The following TRPM6 variants were observed in gnomAD, a reference collection of about 807,000 sequenced individuals.
The protein encoded by TRPM6 is channel kinase 2.
A neutral mutation model predicts 247.6 loss-of-function variants in TRPM6; 111 were observed. The ratio of observed to expected loss-of-function variants is 0.45; its 90% confidence interval spans 0.38 to 0.52. TRPM6 has a LOEUF of 0.52. TRPM6 is among the 20% of genes least tolerant of loss of function. TRPM6 has a pLI of 0.00. For synonymous variants in TRPM6, 892 were observed against 853.8 expected (o/e 1.04, Z -0.78); for missense variants, 2,126 against 2,421.5 (o/e 0.88, Z 2.56).
chr9:74,826,532 A>G (rs1306977665), intron 7 of TRPM6, among the ~76,000 whole-genome samples: 1 of 152,082 alleles, frequency 6.6e-6, no homozygotes, highest in Non-Finnish European at 1.5e-5. Context: ...CCAAAAGTCT[A>G]CAGTTTTCCA....
At chr9:74,839,833 A>T (rs1829856016) in intron 5 of TRPM6, among the ~76,000 whole-genome samples, 191 bp downstream of exon 5, 1 of 141,222 alleles carries the variant, frequency 7.1e-6, no homozygotes, top group Non-Finnish European at 1.5e-5. Context: ...GTTAGAAAGA[A>T]AAAAGAAAAA....
At position 74,848,300 on chromosome 9, in the gene TRPM6, C is replaced by T. The variant is rs538586446; in HGVS notation, c.153-5957G>A. The stretch of plus-strand genomic sequence containing the variant: ...ACTTTGGAGCCATTATGAAGGGTTA[C>T]TTGGATTCAAGTACTGCAATACCAA... On this transcript the variant is annotated intron_variant, in intron 3 of 38. Transcript: ENST00000360774. Among the ~76,000 whole-genome samples the T allele has an allele frequency of 3.0e-3, 452 of 152,272 alleles. 3 individuals are homozygous for T. Among genetic ancestry groups the T allele is most frequent in the Non-Finnish European group, 4.4e-3 (296 of 68,010 alleles).
At chr9:74,815,365 T>C (rs1233425084) in intron 11 of TRPM6, among the ~76,000 whole-genome samples, 1 of 152,176 alleles carries the variant, frequency 6.6e-6, no homozygotes, top group East Asian at 1.9e-4. Context: ...TTCAAATTTC[T>C]GTAGGAAAAA....
Position 74,782,693 on chromosome 9 carries a change from G to C in TRPM6, c.3080C>G (p.Ala1027Gly), listed in dbSNP as rs1420290535. The stretch of plus-strand genomic sequence containing the variant: ...CCCATACACACCATCTATTTCTCCA[G>C]CATAGACTTCTCCGTATATCATCCA... ...PYWMIYGEVY[A>G]GEIDVCSSQP... Residue 1027 changes from alanine to glycine, a missense_variant, in exon 22 of 39, where the codon GCT (alanine) becomes GGT (glycine). Physicochemically the swap from Ala to Gly is moderately conservative, Grantham distance 60. Coordinates refer to ENST00000360774, the MANE Select transcript of TRPM6 (RefSeq NM_017662.5). 6.2e-7 allele frequency: 1 copy of C among 1,613,998 alleles called. No homozygotes were observed. The highest frequency in any genetic ancestry group is 1.3e-5 in the African/African-American group (1 of 74,902).
chr9:74,825,028 G>A (rs1017687263), intron 7 of TRPM6, among the ~76,000 whole-genome samples: 4 of 152,324 alleles, frequency 2.6e-5, no homozygotes, highest in African/African-American at 9.6e-5. Flanking sequence ...GGGAGGCCAA[G>A]GCAGGTGGAT....
At chr9:74,862,671 A>G (rs1218460203) in intron 1 of TRPM6, among the ~76,000 whole-genome samples, 1 of 152,144 alleles carries the variant, frequency 6.6e-6, no homozygotes, top group Non-Finnish European at 1.5e-5. Flanking sequence ...ATTTTACACA[A>G]TATTTTTTAA....
chr9:74,785,162 C>T (rs576052998), intron 21 of TRPM6, among the ~76,000 whole-genome samples: 66 of 152,110 alleles, frequency 4.3e-4, no homozygotes, highest in Non-Finnish European at 7.9e-4. Flanking sequence ...CGGATATAAA[C>T]GATGAAGAAC....
chr9:74,856,419 G>C (rs1174863643), intron 2 of TRPM6, among the ~76,000 whole-genome samples: 2 of 151,446 alleles, frequency 1.3e-5, no homozygotes, highest in East Asian at 3.9e-4. Flanking sequence ...CAACGTGGGG[G>C]ACACAGCAAG....
intron 1 of TRPM6, among the ~76,000 whole-genome samples, chr9:74,883,929 C>T (rs573379864): frequency 6.2e-4 from 95 of 152,258 alleles, no homozygotes; most frequent in Non-Finnish European, 9.7e-4. Context: ...GTGGGTGGAT[C>T]ACCTGAGGTC....
chr9:74,820,614 G>A (rs1829103984), intron 8 of TRPM6, among the ~76,000 whole-genome samples, 187 bp from the exon 9 acceptor site: 1 of 152,102 alleles, frequency 6.6e-6, no homozygotes, highest in South Asian at 2.1e-4. Flanking sequence ...TTGAAAGTGG[G>A]AATGGAGCCG....
At chr9:74,806,695 TTA>T (rs1475189921) in intron 14 of TRPM6, among the ~76,000 whole-genome samples, 1 of 152,150 alleles carries the variant, frequency 6.6e-6, no homozygotes, top group Non-Finnish European at 1.5e-5. Context: ...CTATTCCCAT[TTA>T]TAGATGAGAA....
intron 19 of TRPM6, 74 bp from the exon 20 acceptor site, chr9:74,788,816 G>A (rs1827789824): frequency 1.9e-6 from 3 of 1,572,690 alleles, no homozygotes; most frequent in Non-Finnish European, 2.6e-6. Flanking sequence ...CGCAGATGGA[G>A]CAGAAACCCA....
At chr9:74,810,519 C>T (rs1196396623) in intron 13 of TRPM6, among the ~76,000 whole-genome samples, 7 of 152,184 alleles carry the variant, frequency 4.6e-5, no homozygotes, top group East Asian at 1.9e-4. Context: ...GGCACCACCA[C>T]GGTATCGGGG....
chr9:74,766,645 T>G (rs555266991), intron 25 of TRPM6, among the ~76,000 whole-genome samples: 1 of 152,204 alleles, frequency 6.6e-6, no homozygotes, highest in Non-Finnish European at 1.5e-5. Context: ...GCACAGTGGC[T>G]CATGCCTGTA....
intron 36 of TRPM6, chr9:74,737,311 G>T: frequency 8.3e-7 from 1 of 1,210,044 alleles, no homozygotes. Flanking sequence ...TCACATCCTT[G>T]AGCATGTGAC....
intron 28 of TRPM6, among the ~76,000 whole-genome samples, chr9:74,754,418 T>C (rs1488190656): frequency 2.0e-5 from 3 of 152,202 alleles, no homozygotes; most frequent in African/African-American, 7.2e-5. Flanking sequence ...ATCCCGTTCA[T>C]TGTAAGATGT....
In TRPM6 at chr9:74,887,833, C is replaced by T; in HGVS notation, c.24G>A (p.Glu8=). Residue 8 remains glutamate, a synonymous_variant, in exon 1 of 39, where the codon GAG becomes GAA. Coordinates refer to ENST00000360774, the MANE Select transcript of TRPM6 (RefSeq NM_017662.5). The part of the protein sequence containing the change: MKEQPVL[E]RLQSQKSWIK... ...AGCAGCCTGAGCTTACCTGCAAGCG[C>T]TCCAAGACAGGTTGTTCTTTCATCT... 1 of 1,614,146 alleles carries T rather than the reference C, an allele frequency of 6.2e-7. No homozygotes were observed. The highest frequency in any genetic ancestry group is 8.5e-7 in the Non-Finnish European group (1 of 1,180,038).
In TRPM6 at chr9:74,803,809, C is replaced by T. The variant is rs755530624; in HGVS notation, c.1716G>A (p.Gln572=). The change falls in exon 15 of 39, where the codon CAG becomes CAA. Residue 572 remains glutamine (Q), a synonymous_variant. Transcript: ENST00000360774. ...TAAATGGTACCTTGAATTTGTATGG[C>T]TGTGCAGTTCTAATGAACTGGGAGT... ...TLHSQFIRTA[Q]PYKFKEKSIV... is the part of the protein sequence containing the mutation. 10 of 1,610,676 alleles carry T rather than the reference C, an allele frequency of 6.2e-6. No individual in the cohort carries two copies. The highest frequency in any genetic ancestry group is 4.0e-5 in the African/African-American group (3 of 74,850).
chr9:74,762,720 C>G lies in TRPM6; in HGVS notation c.3951G>C (p.Gln1317His), dbSNP rs994329842. ...TACTACTTTGTGTTTCTTGCCTTTC[C>G]TGGTCATTTCTTACATTTGTAGCCT... is the stretch of plus-strand genomic sequence containing the variant. The part of the protein sequence containing the change: ...KREATNVRND[Q>H]ERQETQSSIV... Residue 1317 changes from glutamine to histidine, a missense_variant, in exon 26 of 39, where the codon CAG becomes CAC. Coordinates refer to ENST00000360774, the MANE Select transcript of TRPM6 (RefSeq NM_017662.5). 1.4e-5 allele frequency: 22 copies of G among 1,614,022 alleles called. No homozygotes were observed. The highest frequency in any genetic ancestry group is 1.7e-5 in the Non-Finnish European group (20 of 1,180,044).
Sources: allele counts gnomAD v4.1 joint callset (sites outside exome capture counted in the v4.1 genomes callset), GRCh38; gene constraint gnomAD v4.1.1; transcripts MANE v1.5; gene names NCBI Gene and HGNC (gene_info 2026-07-23, HGNC 2026-07-21).